The following EML6 variants were observed in gnomAD, a reference collection of about 807,000 sequenced individuals.
The protein encoded by EML6 is EMAP like 6.
In EML6, 154 loss-of-function variants were observed where a neutral mutation model predicts 240.1. That is an observed-to-expected ratio of 0.64 (90% CI 0.56 to 0.73). The LOEUF is 0.73. Among genes scored for constraint, EML6 ranks in the 30% least tolerant of loss-of-function variants. The pLI, the probability that EML6 is intolerant of heterozygous loss-of-function variation, is 0.00. For synonymous variants in EML6, 1,148 were observed against 899.0 expected (o/e 1.28, Z -4.95); for missense variants, 2,964 against 2,474.6 (o/e 1.20, Z -4.20).
chr2:54,860,596 G>T (rs993010747), intron 12 of EML6, among the ~76,000 whole-genome samples: 1 of 152,192 alleles, frequency 6.6e-6, no homozygotes, highest in Admixed American at 6.5e-5. Flanking sequence ...TACTCTGGAA[G>T]GAGTTTGTCC....
chr2:54,864,763 C>G (rs1231196919), intron 13 of EML6, among the ~76,000 whole-genome samples: 9 of 152,326 alleles, frequency 5.9e-5, no homozygotes, highest in East Asian at 5.8e-4. Context: ...CAATGCTTAC[C>G]TAGGCTTATC....
chr2:54,833,130 A>G lies in EML6; in HGVS notation c.847+3653A>G, dbSNP rs538018944. Among the ~76,000 whole-genome samples, 44 of 152,232 alleles carry G rather than the reference A, an allele frequency of 2.9e-4. No individual in the cohort carries two copies. The South Asian group carries it at 3.3e-3, about 11-fold the overall frequency. ...CATGACATGGTATGGGTACTTTTCT[A>G]TGTTCTATAAATTTAAAAGTATTAG... On this transcript the variant is annotated intron_variant, in intron 7 of 41. Coordinates refer to ENST00000356458, the MANE Select transcript of EML6 (RefSeq NM_001039753.4).
At chr2:54,885,274 C>T (rs941693894) in intron 17 of EML6, among the ~76,000 whole-genome samples, 2 of 151,902 alleles carry the variant, frequency 1.3e-5, no homozygotes, top group Non-Finnish European at 2.9e-5. Context: ...GTAAAACCAC[C>T]ATCTCTACTA....
intron 6 of EML6, among the ~76,000 whole-genome samples, chr2:54,828,936 G>A (rs1328278893): frequency 1.3e-5 from 2 of 152,180 alleles, no homozygotes; most frequent in East Asian, 3.9e-4. Context: ...CTATGAAACT[G>A]TTCATGTTCC....
chr2:54,892,368 C>T (rs1042468049), intron 18 of EML6, 86 bp from the exon 19 acceptor site: 1 of 792,726 alleles, frequency 1.3e-6, no homozygotes, highest in African/African-American at 1.7e-5. Flanking sequence ...TGAGAGACAC[C>T]AGGTTTCTCA....
chr2:54,883,278 G>T (rs560927006), intron 17 of EML6, among the ~76,000 whole-genome samples: 6 of 151,922 alleles, frequency 3.9e-5, no homozygotes, highest in African/African-American at 9.7e-5. Flanking sequence ...TCTATAACTG[G>T]TTTTTTTCAC....
chr2:54,753,450 G>C (rs1314842189), intron 2 of EML6, among the ~76,000 whole-genome samples: 1 of 152,130 alleles, frequency 6.6e-6, no homozygotes. Flanking sequence ...AATCATAAAG[G>C]TCCTTATAAG....
chr2:54,790,670 C>T (rs549630638), intron 2 of EML6, among the ~76,000 whole-genome samples: 3 of 151,770 alleles, frequency 2.0e-5, no homozygotes, highest in African/African-American at 7.2e-5. Context: ...CATTCACATC[C>T]ATATTAGTAT....
intron 2 of EML6, among the ~76,000 whole-genome samples, chr2:54,730,423 A>G (rs1314110339): frequency 2.0e-5 from 3 of 152,232 alleles, no homozygotes; most frequent in Non-Finnish European, 4.4e-5. Context: ...AGTTTGAATA[A>G]GAGAAATATG....
intron 2 of EML6, among the ~76,000 whole-genome samples, chr2:54,796,830 C>A (rs906133609): frequency 2.6e-5 from 4 of 151,928 alleles, no homozygotes; most frequent in Non-Finnish European, 5.9e-5. Context: ...GGGTTAAGTG[C>A]AGGAGTAAAT....
At chr2:54,917,605 C>G (rs1673993130) in intron 26 of EML6, among the ~76,000 whole-genome samples, 1 of 152,302 alleles carries the variant, frequency 6.6e-6, no homozygotes, top group Admixed American at 6.5e-5. Flanking sequence ...TTGTGATCCA[C>G]CCGCCTTGGC....
chr2:54,802,671 A>ACTACTG (rs1553381906), intron 2 of EML6, among the ~76,000 whole-genome samples: 36 of 140,018 alleles, frequency 2.6e-4, no homozygotes, highest in African/African-American at 9.3e-4. Flanking sequence ...TACTACTGCT[A>ACTACTG]CTACTACTAC....
intron 2 of EML6, among the ~76,000 whole-genome samples, chr2:54,746,875 G>C (rs566979470): frequency 1.3e-5 from 2 of 152,238 alleles, no homozygotes; most frequent in South Asian, 4.1e-4. Flanking sequence ...TGTGCCACGA[G>C]TGATCAGTGA....
intron 3 of EML6, among the ~76,000 whole-genome samples, chr2:54,814,411 A>G (rs1667991388): frequency 6.6e-6 from 1 of 152,218 alleles, no homozygotes; most frequent in Non-Finnish European, 1.5e-5. Context: ...ATAGGTTGAT[A>G]CGTTCTAGAA....
intron 28 of EML6, among the ~76,000 whole-genome samples, chr2:54,944,608 G>C (rs1224497732): frequency 6.6e-6 from 1 of 152,078 alleles, no homozygotes; most frequent in Non-Finnish European, 1.5e-5. Context: ...ACCTAAAATA[G>C]CCAAGTCTAA....
intron 26 of EML6, among the ~76,000 whole-genome samples, chr2:54,923,367 G>GCACACACACACACACACACACA (rs113101367): frequency 3.9e-4 from 56 of 144,460 alleles, no homozygotes; most frequent in Admixed American, 7.6e-4. Context: ...CTCACCAAAC[G>GCACACACACACACACACACACA]CACACACACA....
chr2:54,814,404 G>C lies in EML6; in HGVS notation c.357+1013G>C, dbSNP rs1667991139. Reference sequence around the variant, plus strand: ...ACAGCAACACTGGGCAGAAAAGATAGGTTGATACGTTCTAGAAAAGAAAGT... The same window carrying C: ...ACAGCAACACTGGGCAGAAAAGATACGTTGATACGTTCTAGAAAAGAAAGT... On this transcript the variant is annotated intron_variant, in intron 3 of 41. Transcript: ENST00000356458. Among the ~76,000 whole-genome samples the C allele has an allele frequency of 1.3e-5, 2 of 152,160 alleles. 1 individual carries two copies. The highest frequency in any genetic ancestry group is 2.9e-5 in the Non-Finnish European group (2 of 68,024).
chr2:54,947,065 G>A (rs1675729570), intron 28 of EML6, among the ~76,000 whole-genome samples: 1 of 152,062 alleles, frequency 6.6e-6, no homozygotes. Flanking sequence ...TGTGTCCCCT[G>A]AAATCGAGCC....
intron 12 of EML6, among the ~76,000 whole-genome samples, chr2:54,861,324 C>T (rs914582256): frequency 1.3e-5 from 2 of 152,114 alleles, no homozygotes; most frequent in African/African-American, 2.4e-5. Flanking sequence ...GATGGGGCTT[C>T]GCATTCCTGA....
Sources: allele counts gnomAD v4.1 joint callset (sites outside exome capture counted in the v4.1 genomes callset), GRCh38; gene constraint gnomAD v4.1.1; transcripts MANE v1.5; gene names NCBI Gene and HGNC (gene_info 2026-07-23, HGNC 2026-07-21).